UBIAD1: variants seen among roughly 807,000 people sequenced by gnomAD.
UBIAD1 encodes ubiA prenyltransferase domain-containing protein 1.
Under a neutral mutation model 20.1 loss-of-function variants are expected in UBIAD1, and 12 were observed. The observed-to-expected ratio is 0.60, with a 90% CI of 0.38 to 0.97. The LOEUF (loss-of-function observed/expected upper bound fraction) is 0.97. Ranked by LOEUF, UBIAD1 falls within the 50% of genes least tolerant of loss-of-function variation. The pLI is 0.00. For synonymous variants in UBIAD1, 207 were observed against 189.2 expected, an observed-to-expected ratio of 1.09 and a Z score of -0.77; for missense variants, 333 against 419.5, an observed-to-expected ratio of 0.79 and a Z score of 1.80.
In UBIAD1 at chr1:11,280,001, T is replaced by C. The variant is rs113114474; in HGVS notation, c.530-5643T>C. ...GAGTAAGAGGAAAATCAAAAGGCTG[T>C]GGTGGCCTGGCAGCTAATTATAAAA... On this transcript the variant is annotated intron_variant, in intron 1 of 1. Transcript: ENST00000376810. Among the ~76,000 whole-genome samples the C allele has an allele frequency of 4.1e-3, 627 of 152,268 alleles. 6 individuals are homozygous for C. The highest frequency in any genetic ancestry group is 0.014 in the African/African-American group (571 of 41,566).
rs558105154 is a variant in UBIAD1 at position 11,273,414 on chromosome 1, C to G, written c.-118C>G. 42 of 1,337,150 alleles carry G rather than the reference C, an allele frequency of 3.1e-5. No individual in the cohort carries two copies. The South Asian group carries it at 5.0e-4, about 16-fold the overall frequency. The allele number at this position is 1,337,150 out of a possible 1,614,324, so 82.8% of individuals were successfully genotyped here. On this transcript the variant is annotated 5_prime_UTR_variant, in exon 1 of 2. Coordinates refer to ENST00000376810, the MANE Select transcript of UBIAD1 (RefSeq NM_013319.3). This position sits in a 1 kb window ranked among gnomAD's most constrained non-coding sequence, Gnocchi z 4.9. ...GACCTTGCCGCCACACCAGCCCTGT[C>G]CTGGGGCGGAACCGAAGGAAGGTCG...
chr1:11,279,257 T>G lies in UBIAD1; in HGVS notation c.529+5197T>G, dbSNP rs190827368. 174 of 228,422 alleles carry G rather than the reference T, an allele frequency of 7.6e-4. 1 individual carries two copies. Among genetic ancestry groups the G allele is most frequent in the African/African-American group, 3.9e-3 (168 of 43,528 alleles). The allele number at this position is 228,422 out of a possible 1,614,324, so 14.1% of individuals were successfully genotyped here. ...ATCTTCATCATCTTTAAGGCCCCAG[T>G]TAATCATACCATTGCCTATCAATAG... On this transcript the variant is annotated intron_variant, in intron 1 of 1. Coordinates refer to ENST00000376810, the MANE Select transcript of UBIAD1 (RefSeq NM_013319.3).
At chr1:11,291,471 G>A (rs1005871020), downstream of UBIAD1, among the ~76,000 whole-genome samples, 12 of 147,320 alleles carry the variant, frequency 8.1e-5, no homozygotes, top group Non-Finnish European at 1.5e-4. Flanking sequence ...GCTGGGCGTG[G>A]TGGTGCACAA....
At chr1:11,290,976 TAAATA>T (rs956974326), downstream of UBIAD1, among the ~76,000 whole-genome samples, 2 of 142,816 alleles carry the variant, frequency 1.4e-5, no homozygotes, top group Non-Finnish European at 2.9e-5. Context: ...AATAAACAAA[TAAATA>T]AAATAACCAA....
Position 11,274,059 on chromosome 1 carries a change from A to T in UBIAD1, c.528A>T (p.Gly176=). The change falls in exon 1 of 2, where the codon GGA becomes GGT. Residue 176 remains glycine (G), a splice_region_variant and synonymous_variant. Coordinates refer to ENST00000376810, the MANE Select transcript of UBIAD1 (RefSeq NM_013319.3). ...TGTCTGGCTCCTTTCTCTACACAGG[A>T]GGTAAGATTTGGCCTGTCCTGTGTG... ...GGLSGSFLYT[G]GIGFKYVALG... is the part of the protein sequence containing the mutation. 1 of 1,613,966 alleles carries T rather than the reference A, an allele frequency of 6.2e-7. No homozygotes were observed. The highest frequency in any genetic ancestry group is 8.5e-7 in the Non-Finnish European group (1 of 1,180,010).
chr1:11,286,478 A>C lies in UBIAD1; in HGVS notation c.*347A>C, dbSNP rs1204728701. On this transcript the variant is annotated 3_prime_UTR_variant, in exon 2 of 2. Coordinates refer to ENST00000376810, the MANE Select transcript of UBIAD1 (RefSeq NM_013319.3). Reference sequence around the variant, plus strand: ...GTACAAAATGTCTCCAGACTTTGTAAAGGAGCTGCCCAGTTTGGCCTCCTG... The same window carrying C: ...GTACAAAATGTCTCCAGACTTTGTACAGGAGCTGCCCAGTTTGGCCTCCTG... 2 of 351,350 alleles carry C rather than the reference A, an allele frequency of 5.7e-6. No homozygotes were observed. The highest frequency in any genetic ancestry group is 2.1e-5 in the African/African-American group (1 of 47,000). 21.8% of individuals were successfully genotyped at this position (351,350 alleles called of 1,614,324 possible). A position where few individuals can be genotyped will look rare whatever the true frequency, so the allele number is the denominator to read the frequency against.
chr1:11,297,181 G>T (rs1233491891), downstream of UBIAD1, among the ~76,000 whole-genome samples: 3 of 152,166 alleles, frequency 2.0e-5, no homozygotes, highest in Non-Finnish European at 4.4e-5. Flanking sequence ...CTATGTTGAA[G>T]CCTAATCCCC....
chr1:11,292,362 C>G (rs1238459571), downstream of UBIAD1, among the ~76,000 whole-genome samples: 6 of 152,112 alleles, frequency 3.9e-5, no homozygotes, highest in Non-Finnish European at 8.8e-5. Flanking sequence ...TTCAGAATGT[C>G]TCAGTTGGGG....
At chr1:11,293,662 C>T (rs1201447683) in intron 1 of UBIAD1, 2 of 152,148 alleles carry the variant, frequency 1.3e-5, no homozygotes, top group African/African-American at 4.8e-5. Context: ...AGAGGAGAAC[C>T]ATGGCAGTAA....
chr1:11,298,869 C>T (rs557360778), downstream of UBIAD1, among the ~76,000 whole-genome samples: 130 of 152,230 alleles, frequency 8.5e-4, no homozygotes, highest in East Asian at 3.9e-3. The surrounding 1 kb of genome is among the most constrained non-coding windows in gnomAD (Gnocchi z 4.0). Context: ...CTGACGGAGG[C>T]GAGGAGGAGG....
At position 11,285,656 on chromosome 1, in the gene UBIAD1, A is replaced by G; in HGVS notation, c.542A>G (p.Lys181Arg). Reference protein sequence around the residue: ...SFLYTGGIGFKYVALGDLIIL... With the variant: ...SFLYTGGIGFRYVALGDLIIL... ...TTTCTGGCCGCAGGAATTGGATTCA[A>G]GTACGTGGCTCTGGGAGACCTCATC... Residue 181 changes from lysine (K) to arginine (R), a missense_variant, in exon 2 of 2, where the codon AAG (lysine) becomes AGG (arginine). This residue lies in a region of UBIAD1 where 226 missense variants were observed against 263.5 expected (regional missense o/e 0.86). Transcript: ENST00000376810. This position sits in a 1 kb window ranked among gnomAD's most constrained non-coding sequence, Gnocchi z 4.4. The G allele has an allele frequency of 6.2e-7, 1 of 1,614,184 alleles. No homozygotes were observed. The highest frequency in any genetic ancestry group is 8.5e-7 in the Non-Finnish European group (1 of 1,180,036).
intron 1 of UBIAD1, among the ~76,000 whole-genome samples, chr1:11,284,069 C>T (rs1569900805): frequency 1.3e-5 from 2 of 152,298 alleles, no homozygotes; most frequent in South Asian, 4.1e-4. Flanking sequence ...AGACACATGT[C>T]CTGCCCTCAT....
At chr1:11,299,162 A>G (rs1638493045), downstream of UBIAD1, among the ~76,000 whole-genome samples, 1 of 152,204 alleles carries the variant, frequency 6.6e-6, no homozygotes, top group Non-Finnish European at 1.5e-5. Context: ...GTCATCCTTG[A>G]TACTCATTCC....
chr1:11,274,945 TCACTCATACTTTATAATGC>T (rs1651957469), intron 1 of UBIAD1, among the ~76,000 whole-genome samples: 2 of 152,174 alleles, frequency 1.3e-5, no homozygotes, highest in South Asian at 4.1e-4. Flanking sequence ...TTTTTTTTAA[TCACTCATACTTTATAATGC>T]CACAGTTTCA....
downstream of UBIAD1, among the ~76,000 whole-genome samples, chr1:11,288,967 G>A (rs1025392285): frequency 1.3e-5 from 2 of 151,624 alleles, no homozygotes; most frequent in Non-Finnish European, 2.9e-5. Context: ...CAGTGGATTT[G>A]CCAAGAGCCA....
chr1:11,290,145 C>T (rs1638343349), downstream of UBIAD1, among the ~76,000 whole-genome samples: 1 of 152,142 alleles, frequency 6.6e-6, no homozygotes, highest in Non-Finnish European at 1.5e-5. Context: ...AGATTACAGG[C>T]GTGAGCCCCC....
chr1:11,276,686 C>CT (rs1404003871), intron 1 of UBIAD1, among the ~76,000 whole-genome samples: 1 of 149,048 alleles, frequency 6.7e-6, no homozygotes, highest in East Asian at 2.0e-4. Context: ...AAAAGACCAA[C>CT]TTTAGTTTCA....
At chr1:11,283,009 C>T (rs1337401729) in intron 1 of UBIAD1, among the ~76,000 whole-genome samples, 2 of 151,682 alleles carry the variant, frequency 1.3e-5, no homozygotes, top group South Asian at 4.2e-4. Context: ...TACAGACATG[C>T]GCCACTACAC....
Position 11,285,569 on chromosome 1 carries a change from GC to G in UBIAD1, c.530-73del. ...TACCATTTTCAGCCGGAAGTGGCCT[GC>G]CTCTTCACTGGTGAACAGTCCCTAA... On this transcript the variant is annotated intron_variant, in intron 1 of 1. Coordinates refer to ENST00000376810, the MANE Select transcript of UBIAD1 (RefSeq NM_013319.3). This position sits in a 1 kb window ranked among gnomAD's most constrained non-coding sequence, Gnocchi z 4.4. 1.2e-6 allele frequency: 2 copies of G among 1,608,606 alleles called. No homozygotes were observed. The highest frequency in any genetic ancestry group is 1.7e-6 in the Non-Finnish European group (2 of 1,178,604).
Sources: gnomAD v4.1 joint callset for allele counts (sites outside exome capture counted in the v4.1 genomes callset) on GRCh38, gnomAD v4.1.1 for gene constraint, gnomAD v4.1.1 regional missense constraint, Gnocchi (gnomAD v3.1) non-coding constraint, MANE v1.5 for transcripts, NCBI Gene and HGNC (gene_info 2026-07-23, HGNC 2026-07-21) for gene names.